ADAM22: variants seen among roughly 807,000 people sequenced by gnomAD.
ADAM22 encodes the protein disintegrin and metalloproteinase domain-containing protein 22.
In ADAM22, 65 loss-of-function variants were observed where a neutral mutation model predicts 144.6. The observed-to-expected ratio is 0.45, with a 90% CI of 0.37 to 0.55. The LOEUF is 0.55. ADAM22 is among the 20% of genes least tolerant of loss of function. The pLI is 0.00. For synonymous variants in ADAM22, 391 were observed against 412.6 expected, an observed-to-expected ratio of 0.95 and a Z score of 0.63; for missense variants, 974 against 1,184.9, an observed-to-expected ratio of 0.82 and a Z score of 2.61.
At chr7:88,172,626 G>C (rs1285704565) in intron 26 of ADAM22, among the ~76,000 whole-genome samples, 1 of 151,742 alleles carries the variant, frequency 6.6e-6, no homozygotes, top group Non-Finnish European at 1.5e-5. Flanking sequence ...TTTAACCATA[G>C]GTATCTGTAG....
chr7:87,947,493 A>G (rs1442358214), intron 2 of ADAM22, among the ~76,000 whole-genome samples: 1 of 151,966 alleles, frequency 6.6e-6, no homozygotes, highest in Non-Finnish European at 1.5e-5. Flanking sequence ...AGCAGTTTTC[A>G]TTGACTCTCA....
At chr7:88,076,507 G>A (rs543658443) in intron 4 of ADAM22, among the ~76,000 whole-genome samples, 8 of 151,726 alleles carry the variant, frequency 5.3e-5, no homozygotes, top group African/African-American at 1.7e-4. Flanking sequence ...CAGCCCTGCC[G>A]CCCCTCCACC....
At chr7:88,196,387 C>T in intron 31 of ADAM22, 84 bp from the exon 32 acceptor site, 1 of 1,468,668 alleles carries the variant, frequency 6.8e-7, no homozygotes, top group Non-Finnish European at 9.5e-7. Flanking sequence ...TGGATGGAAT[C>T]ACTGAATCTT....
chr7:88,098,715 T>A (rs974922264), intron 4 of ADAM22, among the ~76,000 whole-genome samples: 1 of 152,208 alleles, frequency 6.6e-6, no homozygotes, highest in Admixed American at 6.5e-5. Flanking sequence ...TTTCTTTTCC[T>A]TTCTTGTGGA....
intron 4 of ADAM22, among the ~76,000 whole-genome samples, chr7:88,095,772 T>C (rs1477557718): frequency 1.3e-5 from 2 of 151,538 alleles, no homozygotes; most frequent in Non-Finnish European, 2.9e-5. Flanking sequence ...GTTCAGTGTT[T>C]TGCTATATTA....
intron 18 of ADAM22, among the ~76,000 whole-genome samples, chr7:88,150,318 A>G (rs1319284250): frequency 7.2e-5 from 11 of 152,210 alleles, no homozygotes; most frequent in Admixed American, 7.2e-4. Flanking sequence ...CCGTTTTTGC[A>G]AAATGGCACA....
At chr7:88,074,315 C>T (rs962814607) in intron 3 of ADAM22, among the ~76,000 whole-genome samples, 16 of 152,188 alleles carry the variant, frequency 1.1e-4, no homozygotes, top group Admixed American at 5.2e-4. Context: ...GCAGCCCTTT[C>T]TGTCAGTGTG....
At chr7:87,982,068 T>TATATATATACACAC (rs1244517564) in intron 3 of ADAM22, among the ~76,000 whole-genome samples, 2 of 93,718 alleles carry the variant, frequency 2.1e-5, no homozygotes, top group African/African-American at 9.2e-5. Flanking sequence ...TATATATATA[T>TATATATATACACAC]ACACACACAC....
At chr7:88,028,809 A>G (rs532203883) in intron 3 of ADAM22, among the ~76,000 whole-genome samples, 4 of 152,048 alleles carry the variant, frequency 2.6e-5, no homozygotes, top group Non-Finnish European at 5.9e-5. Context: ...TTTGTCTGAC[A>G]TAAGTATAGC....
Position 88,021,950 on chromosome 7 carries a change from G to A in ADAM22, c.323+43538G>A, listed in dbSNP as rs539850176. On this transcript the variant is annotated intron_variant, in intron 3 of 31. Transcript: ENST00000413139. Reference sequence around the variant, plus strand: ...TGCAGTGGTATGACCAAAGCTCACTGCAGCCTTGAACTCCAGGGCTCAAGT... The same window carrying A: ...TGCAGTGGTATGACCAAAGCTCACTACAGCCTTGAACTCCAGGGCTCAAGT... 2.0e-5 allele frequency among the ~76,000 whole-genome samples: 3 copies of A among 151,872 alleles called. No individual in the cohort carries two copies. The South Asian group carries it at 6.3e-4, about 32-fold the overall frequency.
At chr7:87,958,843 GTCTTTT>G (rs1847407344) in intron 2 of ADAM22, among the ~76,000 whole-genome samples, 1 of 151,856 alleles carries the variant, frequency 6.6e-6, no homozygotes. Flanking sequence ...TGAAATTTTT[GTCTTTT>G]TCTTGTCGAT....
rs1852376768 is a variant in ADAM22, at chr7:87,978,212, T to A, written c.247-124T>A. 1.2e-5 allele frequency: 9 copies of A among 770,548 alleles called. No individual in the cohort carries two copies. The South Asian group carries it at 1.8e-4, about 16-fold the overall frequency. The allele number at this position is 770,548 out of a possible 1,614,324, so 47.7% of individuals were successfully genotyped here. On this transcript the variant is annotated intron_variant, in intron 2 of 31. Transcript: ENST00000413139. ...AATTTTACTTTAATATGTTTTCACT[T>A]ATTCTCCATGTTGAATTATTTTCTT... is the stretch of plus-strand genomic sequence containing the variant.
intron 8 of ADAM22, among the ~76,000 whole-genome samples, chr7:88,126,464 C>T (rs995800837): frequency 2.6e-4 from 40 of 151,942 alleles, no homozygotes; most frequent in African/African-American, 8.7e-4. Context: ...TATATGTTTA[C>T]AGACAGATTT....
Position 87,934,529 on chromosome 7 carries a change from C to T in ADAM22, c.64C>T (p.Pro22Ser). The T allele has an allele frequency of 3.1e-6, 5 of 1,608,924 alleles. No individual in the cohort carries two copies. The highest frequency in any genetic ancestry group is 4.5e-5 in the East Asian group (2 of 44,768). Residue 22 changes from proline to serine, a missense_variant, in exon 1 of 32, where the codon CCG (proline) becomes TCG (serine). Pro to Ser is a moderately conservative substitution (Grantham distance 74, BLOSUM62 -1). Transcript: ENST00000413139. The stretch of plus-strand genomic sequence containing the variant: ...GCTCTGTGTCCTGGGGACCTGCCCT[C>T]CGGCGCGCTGCGGCCAGGCAGGTAA... ...LLLCVLGTCP[P>S]ARCGQAGDAS...
At chr7:87,942,172 G>A (rs1408771688) in intron 2 of ADAM22, among the ~76,000 whole-genome samples, 1 of 152,042 alleles carries the variant, frequency 6.6e-6, no homozygotes, top group Non-Finnish European at 1.5e-5. Context: ...TGAGGGGAAT[G>A]GTGAGAAGGT....
intron 29 of ADAM22, among the ~76,000 whole-genome samples, chr7:88,184,922 G>A (rs1249228459): frequency 1.3e-5 from 2 of 152,208 alleles, no homozygotes; most frequent in Admixed American, 6.5e-5. Flanking sequence ...GAGTTTCTAA[G>A]ATTGTCAGTG....
At chr7:88,149,097 A>G in intron 18 of ADAM22, 40 bp downstream of exon 18, 1 of 1,492,428 alleles carries the variant, frequency 6.7e-7, no homozygotes, top group Middle Eastern at 1.7e-4. Flanking sequence ...TATGGGAAAA[A>G]GTGGGGGTAT....
chr7:88,083,197 A>C (rs1327888392), intron 4 of ADAM22, among the ~76,000 whole-genome samples: 2 of 152,200 alleles, frequency 1.3e-5, no homozygotes, highest in South Asian at 2.1e-4. Context: ...AGGGACATGG[A>C]TGAAGCTGGA....
intron 3 of ADAM22, among the ~76,000 whole-genome samples, chr7:87,978,624 A>G (rs1031894324): frequency 2.0e-5 from 3 of 152,250 alleles, no homozygotes; most frequent in African/African-American, 7.2e-5. Context: ...TAATAGAGTT[A>G]AGAATGTAAA....
Sources: allele counts gnomAD v4.1 joint callset (sites outside exome capture counted in the v4.1 genomes callset), GRCh38; gene constraint gnomAD v4.1.1; transcripts MANE v1.5; gene names NCBI Gene and HGNC (gene_info 2026-07-23, HGNC 2026-07-21).